Variants in SPPL3 observed in about 807,000 individuals in gnomAD.
SPPL3 encodes the protein signal peptide peptidase like 3, also known as signal peptide peptidase-like 3.
Under a neutral mutation model 42.4 loss-of-function variants are expected in SPPL3, and 5 were observed. That is an observed-to-expected ratio of 0.12 (90% CI 0.06 to 0.25). The LOEUF is 0.25. SPPL3 is among the 10% of genes least tolerant of loss of function. The probability of loss-of-function intolerance (pLI) is 1.00; values close to 1 mark genes in which losing one functional copy is unlikely to be tolerated. For missense variants in SPPL3, 235 were observed against 489.0 expected (o/e 0.48, Z 4.90); for synonymous variants, 195 against 181.8 (o/e 1.07, Z -0.58).
chr12:120,768,384 C>T lies in SPPL3; in HGVS notation c.714G>A (p.Gly238=), dbSNP rs1868985961. ...GAGGAACATCACGCCCAACATTGGG[C>T]CCCAGGTGGAGCTTCCGGGATAGAA... ...LDVLSRKLHL[G]PNVGRDVPRL... is the part of the protein sequence containing the mutation. Residue 238 remains glycine (G), a synonymous_variant, in exon 8 of 11, where the codon GGG becomes GGA. Transcript: ENST00000353487. The T allele has an allele frequency of 1.2e-6, 2 of 1,614,080 alleles. No individual in the cohort carries two copies. The highest frequency in any genetic ancestry group is 1.7e-6 in the Non-Finnish European group (2 of 1,180,034).
intron 1 of SPPL3, among the ~76,000 whole-genome samples, chr12:120,872,055 G>A (rs1806269246): frequency 1.3e-5 from 2 of 152,152 alleles, no homozygotes; most frequent in African/African-American, 4.8e-5. Context: ...TCAAAATTTA[G>A]AGCACTTCAG....
chr12:120,773,047 T>C (rs1364608101), intron 6 of SPPL3, among the ~76,000 whole-genome samples: 1 of 152,204 alleles, frequency 6.6e-6, no homozygotes, highest in Non-Finnish European at 1.5e-5. Context: ...ATGAACCTAA[T>C]GAAATGTATT....
At chr12:120,786,478 A>G (rs1368461503) in intron 3 of SPPL3, among the ~76,000 whole-genome samples, 1 of 152,214 alleles carries the variant, frequency 6.6e-6, no homozygotes, top group Non-Finnish European at 1.5e-5. Context: ...GATTATACTG[A>G]TTCAAAGTAT....
intron 9 of SPPL3, 119 bp from the exon 10 acceptor site, chr12:120,766,491 G>C (rs1349302405): frequency 2.8e-6 from 2 of 725,804 alleles, no homozygotes; most frequent in African/African-American, 3.6e-5. Flanking sequence ...CTATGGTTGG[G>C]GTGTGAAATG....
intron 1 of SPPL3, among the ~76,000 whole-genome samples, chr12:120,875,551 C>T (rs1310493544): frequency 6.6e-6 from 1 of 151,746 alleles, no homozygotes; most frequent in South Asian, 2.1e-4. Context: ...ATTGTTTGAA[C>T]CCCTGAGGTG....
intron 1 of SPPL3, among the ~76,000 whole-genome samples, chr12:120,817,572 G>C (rs1870924360): frequency 6.6e-6 from 1 of 152,132 alleles, no homozygotes; most frequent in Non-Finnish European, 1.5e-5. Flanking sequence ...AGCAACTCTG[G>C]TTCGTTTATT....
intron 3 of SPPL3, among the ~76,000 whole-genome samples, chr12:120,788,340 CA>C (rs1416763156): frequency 6.6e-6 from 1 of 152,114 alleles, no homozygotes. Flanking sequence ...TCGAGTTGCC[CA>C]GATAGGTGGA....
chr12:120,765,131 A>AAGTC, intron 10 of SPPL3, 61 bp from the exon 11 acceptor site: 1 of 1,520,182 alleles, frequency 6.6e-7, no homozygotes, highest in Non-Finnish European at 8.9e-7. Flanking sequence ...CAGCTGTCTG[A>AAGTC]TTCTTTAAAA....
intron 1 of SPPL3, among the ~76,000 whole-genome samples, chr12:120,817,166 G>A (rs568102732): frequency 3.0e-4 from 46 of 151,718 alleles, no homozygotes; most frequent in Middle Eastern, 3.4e-3. Flanking sequence ...ACGGTGGGGC[G>A]CGCCTGTAGT....
intron 1 of SPPL3, among the ~76,000 whole-genome samples, chr12:120,859,135 T>C (rs1194380887): frequency 3.3e-5 from 5 of 152,012 alleles, no homozygotes; most frequent in Non-Finnish European, 2.9e-5. Context: ...TCCAAAATGC[T>C]TGAGACCAGA....
At chr12:120,894,297 C>T (rs1800181987) in intron 1 of SPPL3, among the ~76,000 whole-genome samples, 1 of 152,140 alleles carries the variant, frequency 6.6e-6, no homozygotes, top group South Asian at 2.1e-4. Context: ...GCACTCCAGC[C>T]TGGGCAACAA....
At chr12:120,788,594 C>T (rs987003373) in intron 3 of SPPL3, among the ~76,000 whole-genome samples, 2 of 152,154 alleles carry the variant, frequency 1.3e-5, no homozygotes, top group Admixed American at 6.6e-5. Context: ...AGCATGTAAT[C>T]GTAAGAGTAA....
intron 6 of SPPL3, among the ~76,000 whole-genome samples, chr12:120,773,525 A>G (rs1232400936): frequency 6.6e-6 from 1 of 152,058 alleles, no homozygotes. Context: ...ACCAGTAACC[A>G]AAAGCGGGGC....
Position 120,904,121 on chromosome 12 carries a change from G to A in SPPL3, c.-254C>T, listed in dbSNP as rs867106809. The A allele has an allele frequency of 2.9e-4, 88 of 305,708 alleles. No homozygotes were observed. The Middle Eastern group carries it at 8.3e-3, about 29-fold the overall frequency. The allele number at this position is 305,708 out of a possible 1,614,324, so 18.9% of individuals were successfully genotyped here. A position where few individuals can be genotyped will look rare whatever the true frequency, so the allele number is the denominator to read the frequency against. ...TCCCTCACCCGCGGCGGCGGCGGCG[G>A]CTCCGCTGCAGCTCCAAACCCAACA... is the stretch of plus-strand genomic sequence containing the variant. On this transcript the variant is annotated 5_prime_UTR_variant, in exon 1 of 11. Coordinates refer to ENST00000353487, the MANE Select transcript of SPPL3 (RefSeq NM_139015.5).
chr12:120,892,649 C>T (rs1873677093), intron 1 of SPPL3, among the ~76,000 whole-genome samples: 1 of 151,902 alleles, frequency 6.6e-6, no homozygotes, highest in Admixed American at 6.6e-5. Context: ...TTTTATATTC[C>T]AACAATAAAA....
rs138159978 is a variant in SPPL3 at position 120,798,556 on chromosome 12, A to G, written c.102-6999T>C. 2.7e-3 allele frequency among the ~76,000 whole-genome samples: 409 copies of G among 152,334 alleles called. 3 individuals carry two copies. The highest frequency in any genetic ancestry group is 9.5e-3 in the African/African-American group (393 of 41,578). On this transcript the variant is annotated intron_variant, in intron 2 of 10. Transcript: ENST00000353487. ...GCAGAGCTAACAATGTGCAGGACCT[A>G]AACTCTAGGGTTGGTGATGCATTTA...
At chr12:120,820,728 G>C (rs1871039775) in intron 1 of SPPL3, among the ~76,000 whole-genome samples, 1 of 151,888 alleles carries the variant, frequency 6.6e-6, no homozygotes, top group Non-Finnish European at 1.5e-5. Context: ...AACAGAATAG[G>C]TATGTTATGA....
chr12:120,830,909 T>G (rs1158178105), intron 1 of SPPL3, among the ~76,000 whole-genome samples: 1 of 152,122 alleles, frequency 6.6e-6, no homozygotes, highest in Non-Finnish European at 1.5e-5. Context: ...GGTTATACAT[T>G]ATTTCTGTTT....
intron 6 of SPPL3, among the ~76,000 whole-genome samples, chr12:120,770,457 C>T (rs1034572889): frequency 5.9e-5 from 9 of 152,126 alleles, no homozygotes; most frequent in African/African-American, 1.4e-4. Context: ...TTTGAGTGCT[C>T]GATCACTTCC....
Sources: gnomAD v4.1 joint callset for allele counts (sites outside exome capture counted in the v4.1 genomes callset) on GRCh38, gnomAD v4.1.1 for gene constraint, MANE v1.5 for transcripts, NCBI Gene and HGNC (gene_info 2026-07-23, HGNC 2026-07-21) for gene names.